The following GPC6 variants were observed in gnomAD, a reference collection of about 807,000 sequenced individuals.
GPC6 encodes glypican 6, also known as glypican-6.
A neutral mutation model predicts 55.2 loss-of-function variants in GPC6; 14 were observed. That is an observed-to-expected ratio of 0.25 (90% confidence interval 0.17 to 0.40). The LOEUF (loss-of-function observed/expected upper bound fraction) is 0.40, where lower values mean the gene tolerates loss of function less well. Ranked by LOEUF, GPC6 falls within the 10% of genes least tolerant of loss-of-function variation. The pLI, the probability that GPC6 is intolerant of heterozygous loss-of-function variation, is 1.00. For synonymous variants in GPC6, 278 were observed against 259.6 expected (o/e 1.07, Z -0.68); for missense variants, 641 against 708.5 (o/e 0.90, Z 1.08).
intron 5 of GPC6, among the ~76,000 whole-genome samples, chr13:94,293,746 C>T (rs1293408330): frequency 1.3e-5 from 2 of 152,114 alleles, no homozygotes; most frequent in African/African-American, 4.8e-5. Context: ...AGCCTGAGGT[C>T]GTGTAACAAA....
intron 2 of GPC6, among the ~76,000 whole-genome samples, chr13:93,753,519 T>G (rs1884670049): frequency 6.6e-6 from 1 of 152,198 alleles, no homozygotes; most frequent in South Asian, 2.1e-4. Context: ...AGGCATGCAA[T>G]GTGTAATAAG....
chr13:94,077,928 T>C (rs1235245793), intron 4 of GPC6, among the ~76,000 whole-genome samples: 2 of 151,852 alleles, frequency 1.3e-5, no homozygotes, highest in Non-Finnish European at 2.9e-5. Flanking sequence ...AAAAGACATA[T>C]ATAGAACATT....
intron 1 of GPC6, among the ~76,000 whole-genome samples, chr13:93,390,587 A>G (rs1334275018): frequency 6.6e-6 from 1 of 152,144 alleles, no homozygotes; most frequent in African/African-American, 2.4e-5. Context: ...TAGCTCCAAG[A>G]ACTTTAAAGG....
At chr13:93,859,013 G>GA (rs1399100788) in intron 3 of GPC6, among the ~76,000 whole-genome samples, 1 of 151,448 alleles carries the variant, frequency 6.6e-6, no homozygotes, top group Non-Finnish European at 1.5e-5. Context: ...TCAACGCAGA[G>GA]AAAAATTTCT....
intron 2 of GPC6, among the ~76,000 whole-genome samples, chr13:93,741,499 TCTCATG>T (rs979595593): frequency 6.6e-6 from 1 of 152,180 alleles, no homozygotes; most frequent in Non-Finnish European, 1.5e-5. Context: ...GTCTCCTGTT[TCTCATG>T]CTCATGCTCA....
chr13:93,692,352 T>C (rs1366837642), intron 2 of GPC6, among the ~76,000 whole-genome samples: 1 of 152,138 alleles, frequency 6.6e-6, no homozygotes. Flanking sequence ...ATTTGTTTGA[T>C]GACTATTAAA....
At position 94,080,428 on chromosome 13, in the gene GPC6, C is replaced by T. The variant is rs185496255; in HGVS notation, c.877+52534C>T. On this transcript the variant is annotated intron_variant, in intron 4 of 8. Transcript: ENST00000377047. ...CTCCAAGCTATTAATCTGGAAAAATCATTTAAAGACATTAGGATTATTATT... is the reference window on the plus strand; with the variant it reads ...CTCCAAGCTATTAATCTGGAAAAATTATTTAAAGACATTAGGATTATTATT... Among the ~76,000 whole-genome samples the T allele has an allele frequency of 2.3e-3, 357 of 152,220 alleles. 2 individuals are homozygous for T. Among genetic ancestry groups the T allele is most frequent in the Non-Finnish European group, 4.3e-3 (290 of 68,008 alleles).
At chr13:93,876,224 T>C (rs933777544) in intron 3 of GPC6, among the ~76,000 whole-genome samples, 11 of 151,816 alleles carry the variant, frequency 7.2e-5, no homozygotes, top group African/African-American at 2.7e-4. Context: ...CTTCATATAA[T>C]AAATGAAGCA....
intron 1 of GPC6, among the ~76,000 whole-genome samples, chr13:93,235,105 A>C (rs1353854621): frequency 6.6e-6 from 1 of 152,204 alleles, no homozygotes; most frequent in Admixed American, 6.5e-5. Flanking sequence ...TACTTAAGCT[A>C]CTGACATAGC....
chr13:94,352,851 A>G (rs1205804313), intron 6 of GPC6, among the ~76,000 whole-genome samples: 1 of 152,172 alleles, frequency 6.6e-6, no homozygotes, highest in Non-Finnish European at 1.5e-5. Flanking sequence ...TGGTGGGGCA[A>G]CCTTCAAGGT....
intron 1 of GPC6, among the ~76,000 whole-genome samples, chr13:93,344,539 C>T (rs924501826): frequency 1.3e-5 from 2 of 152,180 alleles, no homozygotes; most frequent in East Asian, 3.9e-4. Context: ...CCCATTTCCT[C>T]CTCTATAACC....
chr13:93,653,054 T>G (rs1422938482), intron 2 of GPC6, among the ~76,000 whole-genome samples: 1 of 152,184 alleles, frequency 6.6e-6, no homozygotes, highest in African/African-American at 2.4e-5. Flanking sequence ...CTACATATTG[T>G]ATTTAGGCAC....
At chr13:93,321,911 G>A (rs1879454490) in intron 1 of GPC6, among the ~76,000 whole-genome samples, 1 of 152,214 alleles carries the variant, frequency 6.6e-6, no homozygotes, top group Non-Finnish European at 1.5e-5. Flanking sequence ...TAGAAGTACA[G>A]AACTTCTCAA....
intron 4 of GPC6, among the ~76,000 whole-genome samples, chr13:94,115,851 A>AT (rs1886414917): frequency 1.3e-5 from 2 of 152,110 alleles, no homozygotes; most frequent in South Asian, 4.1e-4. Context: ...GTAAATAAGA[A>AT]TATTTTTTCA....
chr13:93,765,504 T>G (rs1329625468), intron 2 of GPC6, among the ~76,000 whole-genome samples: 2 of 152,094 alleles, frequency 1.3e-5, no homozygotes, highest in Non-Finnish European at 2.9e-5. Context: ...AAAAATGAGA[T>G]GAGTTTAACT....
chr13:93,584,566 A>G (rs776562892), intron 2 of GPC6, among the ~76,000 whole-genome samples: 6 of 152,182 alleles, frequency 3.9e-5, no homozygotes, highest in Admixed American at 6.5e-5. Context: ...TAGCCCACAT[A>G]AAGAAAAGCT....
intron 4 of GPC6, among the ~76,000 whole-genome samples, chr13:94,181,360 C>T (rs1247891913): frequency 6.6e-6 from 1 of 152,164 alleles, no homozygotes; most frequent in Non-Finnish European, 1.5e-5. Flanking sequence ...CTTTATTTCT[C>T]AGACCGGCTG....
chr13:94,123,229 G>A (rs1173682994), intron 4 of GPC6, among the ~76,000 whole-genome samples: 2 of 151,836 alleles, frequency 1.3e-5, no homozygotes, highest in African/African-American at 4.8e-5. Flanking sequence ...TATCTACAAT[G>A]ACAAAAATAT....
chr13:93,388,048 C>A (rs533011760), intron 1 of GPC6, among the ~76,000 whole-genome samples: 1 of 152,158 alleles, frequency 6.6e-6, no homozygotes, highest in East Asian at 1.9e-4. Flanking sequence ...TTATACTCTG[C>A]AATCCTGTAT....
Sources: allele counts gnomAD v4.1 joint callset (sites outside exome capture counted in the v4.1 genomes callset), GRCh38; gene constraint gnomAD v4.1.1; transcripts MANE v1.5; gene names NCBI Gene and HGNC (gene_info 2026-07-23, HGNC 2026-07-21).